MLLT3: variants seen among roughly 807,000 people sequenced by gnomAD.
MLLT3 encodes MLLT3 super elongation complex subunit.
Under a neutral mutation model 53.2 loss-of-function variants are expected in MLLT3, and 4 were observed. The ratio of observed to expected loss-of-function variants is 0.08; its 90% CI spans 0.04 to 0.17. The LOEUF is 0.17. Among genes scored for constraint, MLLT3 ranks in the 10% least tolerant of loss-of-function variants. The pLI is 1.00. For synonymous variants in MLLT3, 283 were observed against 230.6 expected, an observed-to-expected ratio of 1.23 and a Z score of -2.06; for missense variants, 569 against 684.0, an observed-to-expected ratio of 0.83 and a Z score of 1.87.
At chr9:20,479,822 T>C (rs1366072080) in intron 2 of MLLT3, among the ~76,000 whole-genome samples, 1 of 152,170 alleles carries the variant, frequency 6.6e-6, no homozygotes, top group African/African-American at 2.4e-5. Flanking sequence ...ATAAAGACCA[T>C]GAAATATTTT....
chr9:20,364,196 T>C (rs1378802033), intron 6 of MLLT3, among the ~76,000 whole-genome samples: 2 of 152,232 alleles, frequency 1.3e-5, no homozygotes, highest in Non-Finnish European at 2.9e-5. Context: ...CAGCCAATTT[T>C]CATTTTACTT....
intron 4 of MLLT3, among the ~76,000 whole-genome samples, chr9:20,415,996 T>C (rs1475040943): frequency 6.6e-6 from 1 of 151,960 alleles, no homozygotes; most frequent in Non-Finnish European, 1.5e-5. Context: ...AGCAAAGACT[T>C]GTTTTTATGC....
chr9:20,554,846 A>G (rs575599485), intron 2 of MLLT3, among the ~76,000 whole-genome samples: 1 of 152,332 alleles, frequency 6.6e-6, no homozygotes, highest in South Asian at 2.1e-4. Context: ...TTGTTAACCA[A>G]TAAAATGAGG....
At chr9:20,363,071 C>T (rs981969913) in intron 7 of MLLT3, 6 of 157,732 alleles carry the variant, frequency 3.8e-5, no homozygotes, top group African/African-American at 1.2e-4. Flanking sequence ...AGGTCACACA[C>T]ATAATTCACT....
chr9:20,581,290 T>G (rs1260397790), intron 2 of MLLT3, among the ~76,000 whole-genome samples: 1 of 152,212 alleles, frequency 6.6e-6, no homozygotes, highest in African/African-American at 2.4e-5. Flanking sequence ...AAGAGATTTT[T>G]AAGCAAGAAA....
intron 5 of MLLT3, among the ~76,000 whole-genome samples, chr9:20,395,292 A>G (rs1436781503): frequency 6.6e-6 from 1 of 152,126 alleles, no homozygotes; most frequent in Non-Finnish European, 1.5e-5. Context: ...TTTCATTATT[A>G]TTATTTCAAA....
chr9:20,575,099 C>T (rs1819621058), intron 2 of MLLT3, among the ~76,000 whole-genome samples: 1 of 152,194 alleles, frequency 6.6e-6, no homozygotes, highest in Admixed American at 6.5e-5. Flanking sequence ...TCCAATTCTA[C>T]TTCTCTTTCC....
At chr9:20,600,155 A>C (rs1820383017) in intron 2 of MLLT3, among the ~76,000 whole-genome samples, 1 of 151,072 alleles carries the variant, frequency 6.6e-6, no homozygotes, top group Non-Finnish European at 1.5e-5. Context: ...CAAAAAAAAA[A>C]CACTTAGTTC....
At chr9:20,524,955 A>G (rs1216321679) in intron 2 of MLLT3, among the ~76,000 whole-genome samples, 2 of 152,102 alleles carry the variant, frequency 1.3e-5, no homozygotes, top group African/African-American at 4.8e-5. Flanking sequence ...GTCAGGCTAC[A>G]GAGGGCGCTA....
At chr9:20,588,614 G>A (rs1052379797) in intron 2 of MLLT3, among the ~76,000 whole-genome samples, 3 of 152,082 alleles carry the variant, frequency 2.0e-5, no homozygotes, top group Non-Finnish European at 4.4e-5. Flanking sequence ...ATTGTGAATG[G>A]GAGTTCACTC....
chr9:20,621,574 T>C lies in MLLT3; in HGVS notation c.12+671A>G, dbSNP rs972698803. On this transcript the variant is annotated intron_variant, in intron 1 of 10. Coordinates refer to ENST00000380338, the MANE Select transcript of MLLT3 (RefSeq NM_004529.4). This position sits in a 1 kb window ranked among gnomAD's most constrained non-coding sequence, Gnocchi z 7.0. ...CGAACCGAGCCCCCGCAACACACTT[T>C]CAAGAGCCCAAGTGGCTCCAAAGTA... Among the ~76,000 whole-genome samples the C allele has an allele frequency of 4.0e-5, 6 of 150,676 alleles. No individual in the cohort carries two copies. Among genetic ancestry groups the C allele is most frequent in the African/African-American group, 1.2e-4 (5 of 40,990 alleles).
chr9:20,555,183 G>A (rs1308352816), intron 2 of MLLT3, among the ~76,000 whole-genome samples: 1 of 152,180 alleles, frequency 6.6e-6, no homozygotes, highest in Non-Finnish European at 1.5e-5. Context: ...TCATCTAACT[G>A]ACCCCACAAA....
chr9:20,348,601 G>C (rs768099569), intron 10 of MLLT3, among the ~76,000 whole-genome samples: 1 of 152,174 alleles, frequency 6.6e-6, no homozygotes, highest in Non-Finnish European at 1.5e-5. Context: ...TTATAGGTGG[G>C]GAGGGAGTCA....
intron 10 of MLLT3, among the ~76,000 whole-genome samples, chr9:20,353,222 C>T (rs1821079620): frequency 1.3e-5 from 2 of 152,128 alleles, no homozygotes; most frequent in African/African-American, 4.8e-5. Context: ...TTCTACTGTC[C>T]CCTCCCTGAG....
chr9:20,552,555 T>A (rs1322329513), intron 2 of MLLT3, among the ~76,000 whole-genome samples: 1 of 152,134 alleles, frequency 6.6e-6, no homozygotes, highest in Non-Finnish European at 1.5e-5. Flanking sequence ...AATAGACGGT[T>A]TGAGAGCAGA....
In MLLT3 at chr9:20,620,908, C is replaced by T. The variant is rs759328703; in HGVS notation, c.13-74G>A. The T allele has an allele frequency of 7.1e-7, 1 of 1,399,252 alleles. No homozygotes were observed. Among genetic ancestry groups the T allele is most frequent in the East Asian group, 2.5e-5 (1 of 40,404 alleles). 86.7% of individuals were successfully genotyped at this position (1,399,252 alleles called of 1,614,324 possible). ...TTTCGGCAGTGAACGTTGCGCCTGACATTTTTTTCCTCCTTCTTGAAACGC... is the reference window on the plus strand; with the variant it reads ...TTTCGGCAGTGAACGTTGCGCCTGATATTTTTTTCCTCCTTCTTGAAACGC... On this transcript the variant is annotated intron_variant, in intron 1 of 10. Coordinates refer to ENST00000380338, the MANE Select transcript of MLLT3 (RefSeq NM_004529.4). The surrounding 1 kb of genome is among the most constrained non-coding windows in gnomAD (Gnocchi z 6.1).
At chr9:20,473,342 A>T (rs1824441224) in intron 2 of MLLT3, among the ~76,000 whole-genome samples, 1 of 152,152 alleles carries the variant, frequency 6.6e-6, no homozygotes, top group African/African-American at 2.4e-5. Context: ...TCCCCTAAAA[A>T]TTTCCTTTTC....
rs146016561 is a variant in MLLT3 at position 20,376,786 on chromosome 9, G to C, written c.1126-11042C>G. Among the ~76,000 whole-genome samples the C allele has an allele frequency of 3.0e-3, 456 of 152,272 alleles. 1 individual carries two copies. The highest frequency in any genetic ancestry group is 0.01 in the African/African-American group (422 of 41,548). On this transcript the variant is annotated intron_variant, in intron 5 of 10. Transcript: ENST00000380338. Reference sequence around the variant, plus strand: ...TTAAAGGCTGCTACGATTGTAGCCAGAACATGTGCTCTTTCAAAAAATCCA... The same window carrying C: ...TTAAAGGCTGCTACGATTGTAGCCACAACATGTGCTCTTTCAAAAAATCCA...
At chr9:20,571,599 C>T (rs1819534402) in intron 2 of MLLT3, among the ~76,000 whole-genome samples, 1 of 152,148 alleles carries the variant, frequency 6.6e-6, no homozygotes, top group Non-Finnish European at 1.5e-5. Flanking sequence ...TAGCCTCCCA[C>T]CCCCAGACAG....
Sources: gnomAD v4.1 joint callset for allele counts (sites outside exome capture counted in the v4.1 genomes callset) on GRCh38, gnomAD v4.1.1 for gene constraint, Gnocchi (gnomAD v3.1) non-coding constraint, MANE v1.5 for transcripts, NCBI Gene and HGNC (gene_info 2026-07-23, HGNC 2026-07-21) for gene names.